The following PPM1J variants were observed in gnomAD, a reference collection of about 807,000 sequenced individuals.
The protein encoded by PPM1J is protein phosphatase, Mg2+/Mn2+ dependent 1J, also known as protein phosphatase 1J.
In PPM1J, 43 loss-of-function variants were observed where a neutral mutation model predicts 53.3. The observed-to-expected ratio is 0.81, with a 90% CI of 0.63 to 1.04. The LOEUF is 1.04. Ranked by LOEUF, PPM1J falls within the 50% of genes least tolerant of loss-of-function variation. The pLI, the probability that PPM1J is intolerant of heterozygous loss-of-function variation, is 0.00. For synonymous variants in PPM1J, 267 were observed against 286.4 expected, an observed-to-expected ratio of 0.93 and a Z score of 0.68; for missense variants, 635 against 685.9, an observed-to-expected ratio of 0.93 and a Z score of 0.83.
chr1:112,711,135 C>A, intron 6 of PPM1J, 64 bp from the exon 7 acceptor site: 2 of 1,519,638 alleles, frequency 1.3e-6, no homozygotes, highest in South Asian at 2.2e-5. Context: ...CTAGGAGCTG[C>A]ATACCCTCAC....
Position 112,712,900 on chromosome 1 carries a change from A to C in PPM1J, c.573T>G (p.Pro191=), listed in dbSNP as rs200382414. 686 of 1,613,874 alleles carry C rather than the reference A, an allele frequency of 4.3e-4. No individual in the cohort carries two copies. The highest frequency in any genetic ancestry group is 4.3e-4 in the Non-Finnish European group (511 of 1,180,024). ...LKDLVEILQD[P]SPPPLCLPTT... Reference sequence around the variant, plus strand: ...TTGGGAGGCAGAGGGGTGGTGGCGAAGGGTCCTGAAGTATCTCTACCAGGT... The same window carrying C: ...TTGGGAGGCAGAGGGGTGGTGGCGACGGGTCCTGAAGTATCTCTACCAGGT... Residue 191 remains proline (P), a synonymous_variant, in exon 3 of 10, where the codon CCT becomes CCG. Transcript: ENST00000309276.
rs1675174956 is a variant in PPM1J at position 112,715,255 on chromosome 1, C to T, written c.47G>A (p.Gly16Glu). 1.5e-6 allele frequency: 2 copies of T among 1,361,254 alleles called. No individual in the cohort carries two copies. The highest frequency in any genetic ancestry group is 1.8e-5 in the South Asian group (1 of 56,774). 84.3% of individuals were successfully genotyped at this position (1,361,254 alleles called of 1,614,324 possible). Residue 16 changes from glycine (G) to glutamate (E), a missense_variant, in exon 1 of 10, where the codon GGG becomes GAG. Physicochemically the swap from Gly to Glu is moderately conservative, Grantham distance 98. Coordinates refer to ENST00000309276, the MANE Select transcript of PPM1J (RefSeq NM_005167.7). This position sits in a 1 kb window ranked among gnomAD's most constrained non-coding sequence, Gnocchi z 4.4. ...RSAVAHLVSS[G>E]GAPPPRPKSP... ...TTTGGGGCGCGGAGGCGGAGCGCCCCCGGAGCTCACCAGGTGCGCCACGGC... is the reference window on the plus strand; with the variant it reads ...TTTGGGGCGCGGAGGCGGAGCGCCCTCGGAGCTCACCAGGTGCGCCACGGC...
Position 112,711,268 on chromosome 1 carries a change from G to T in PPM1J, c.1044C>A (p.Gly348=), listed in dbSNP as rs1306375641. 1.2e-6 allele frequency: 2 copies of T among 1,605,952 alleles called. No individual in the cohort carries two copies. Among genetic ancestry groups the T allele is most frequent in the Non-Finnish European group, 1.7e-6 (2 of 1,174,026 alleles). The stretch of plus-strand genomic sequence containing the variant: ...CCCAGCTCTGAGGGAAGTGTTACCA[G>T]CCGGTCATGTTCTGGTCCCGGTACA... The part of the protein sequence containing the change: ...RMLYRDQNMT[G]WAYKKIELED... Residue 348 remains glycine, a splice_region_variant and synonymous_variant, in exon 6 of 10, where the codon GGC becomes GGA. Transcript: ENST00000309276.
In PPM1J at chr1:112,712,826, G is replaced by A; in HGVS notation, c.647C>T (p.Pro216Leu). ...DSSDPSHLLG[P>L]QSCWSSQKEV... ...CTTCTGTGAAGACCAGCAGGACTGA[G>A]GGCCAAGCAAGTGAGAGGGATCGGA... The change falls in exon 3 of 10, where the codon CCT becomes CTT. Residue 216 changes from proline to leucine, a missense_variant. Transcript: ENST00000309276. 1 of 1,613,640 alleles carries A rather than the reference G, an allele frequency of 6.2e-7. No individual in the cohort carries two copies. The highest frequency in any genetic ancestry group is 1.1e-5 in the South Asian group (1 of 91,058).
chr1:112,715,148 T>C lies in PPM1J; in HGVS notation c.154A>G (p.Ser52Gly). Reference sequence around the variant, plus strand: ...GCCTTCGCGGGCGTCGCGCTCCCGCTCCCAGCCTTCGCGGGAGGGCTCCTG... The same window carrying C: ...GCCTTCGCGGGCGTCGCGCTCCCGCCCCCAGCCTTCGCGGGAGGGCTCCTG... ...APRSPPAKAG[S>G]GSATPAKAVE... The change falls in exon 1 of 10, where the codon AGC (serine) becomes GGC (glycine). Residue 52 changes from serine (S) to glycine (G), a missense_variant. Transcript: ENST00000309276. This position sits in a 1 kb window ranked among gnomAD's most constrained non-coding sequence, Gnocchi z 4.4. 1 of 1,542,196 alleles carries C rather than the reference T, an allele frequency of 6.5e-7. No homozygotes were observed. Among genetic ancestry groups the C allele is most frequent in the East Asian group, 2.6e-5 (1 of 38,172 alleles).
chr1:112,714,050 A>C (rs1253879040), intron 1 of PPM1J: 1 of 1,042,702 alleles, frequency 9.6e-7, no homozygotes, highest in Non-Finnish European at 1.2e-6. Context: ...CCTCATGGGC[A>C]CACCCACCCT....
In PPM1J at chr1:112,712,371, C is replaced by A. The variant is rs185265561; in HGVS notation, c.816G>T (p.Val272=). 125 of 1,613,758 alleles carry A rather than the reference C, an allele frequency of 7.7e-5. 1 individual carries two copies. The East Asian group carries it at 2.8e-3, about 36-fold the overall frequency. The part of the protein sequence containing the change: ...ALVVIYLLGK[V]YVANAGDSRA... ...TGCTATCGCCTGCATTGGCCACGTA[C>A]ACCTTGCCTAGCAGGTAGATCACAA... is the stretch of plus-strand genomic sequence containing the variant. The change falls in exon 4 of 10, where the codon GTG becomes GTT. Residue 272 remains valine, a synonymous_variant. Coordinates refer to ENST00000309276, the MANE Select transcript of PPM1J (RefSeq NM_005167.7).
intron 9 of PPM1J, 36 bp from the exon 10 acceptor site, chr1:112,710,346 A>T (rs1675028235): frequency 6.2e-7 from 1 of 1,612,878 alleles, no homozygotes; most frequent in Admixed American, 1.7e-5. Flanking sequence ...ATGTACCAAC[A>T]TGTATGTGGG....
chr1:112,710,892 T>A, intron 7 of PPM1J, 41 bp from the exon 8 acceptor site: 1 of 1,603,402 alleles, frequency 6.2e-7, no homozygotes, highest in Non-Finnish European at 8.5e-7. Flanking sequence ...AGTCCTCTGC[T>A]AGATTCTCTG....
In PPM1J at chr1:112,715,036, C is replaced by A; in HGVS notation, c.266G>T (p.Arg89Leu). The change falls in exon 1 of 10, where the codon CGG becomes CTG. Residue 89 changes from arginine to leucine, a missense_variant. Arg to Leu is a moderately radical substitution (Grantham distance 102). Transcript: ENST00000309276. The surrounding 1 kb of genome is among the most constrained non-coding windows in gnomAD (Gnocchi z 4.4). The stretch of plus-strand genomic sequence containing the variant: ...CGTGTCCGGGGGGCTTTGCACAGCC[C>A]GGCCCGCGTGGTCATCGGCGCGTCG... ...GLRRADDHAG[R>L]AVQSPPDTGR... 1.3e-6 allele frequency: 2 copies of A among 1,524,716 alleles called. No homozygotes were observed. The highest frequency in any genetic ancestry group is 1.7e-6 in the Non-Finnish European group (2 of 1,144,542). The allele number at this position is 1,524,716 out of a possible 1,614,324, so 94.4% of individuals were successfully genotyped here. A position where few individuals can be genotyped will look rare whatever the true frequency, so the allele number is the denominator to read the frequency against.
In PPM1J at chr1:112,711,303, G is replaced by A; in HGVS notation, c.1009C>T (p.Gln337Ter). 1 of 1,607,878 alleles carries A rather than the reference G, an allele frequency of 6.2e-7. No individual in the cohort carries two copies. Among genetic ancestry groups the A allele is most frequent in the Non-Finnish European group, 8.5e-7 (1 of 1,176,878 alleles). Residue 337 changes from glutamine (Q) to a stop codon, truncating the protein, a stop_gained, in exon 6 of 10, where the codon CAG (glutamine) becomes TAG (stop). Transcript: ENST00000309276. LOFTEE classifies it high-confidence loss of function. Reference protein sequence around the residue: ...PRRVLPKELGQRMLYRDQNMT... With the variant: ...PRRVLPKELG ...TTCTGGTCCCGGTACAACATCCTCT[G>A]CCCCAGCTCCTTGGGCAGAACTCTG...
chr1:112,712,574 G>T, intron 3 of PPM1J, 117 bp from the exon 4 acceptor site: 1 of 1,158,194 alleles, frequency 8.6e-7, no homozygotes. Context: ...TACACTGGAA[G>T]ACAGGAGGGA....
chr1:112,710,743 C>A lies in PPM1J; in HGVS notation c.1218+1G>T. On this transcript the variant is annotated splice_donor_variant, in intron 8 of 9. Coordinates refer to ENST00000309276, the MANE Select transcript of PPM1J (RefSeq NM_005167.7). LOFTEE classifies it high-confidence loss of function. ...GGCAAGGTGTGGTTTAAGGGGCTCA[C>A]CTCAGGGAAGCAGGAGAGAAAGGGC... The A allele has an allele frequency of 1.2e-6, 2 of 1,614,040 alleles. No individual in the cohort carries two copies. The highest frequency in any genetic ancestry group is 4.5e-5 in the East Asian group (2 of 44,882).
intron 3 of PPM1J, 71 bp from the exon 4 acceptor site, chr1:112,712,528 C>T: frequency 7.3e-7 from 1 of 1,373,566 alleles, no homozygotes; most frequent in Non-Finnish European, 1.0e-6. Context: ...TCCCCCTACC[C>T]CCTCCACCCG....
rs746719942 is a variant in PPM1J at position 112,711,341 on chromosome 1, A to C, written c.971T>G (p.Leu324Arg). 25 of 1,606,556 alleles carry C rather than the reference A, an allele frequency of 1.6e-5. No homozygotes were observed. The highest frequency in any genetic ancestry group is 2.0e-5 in the Non-Finnish European group (23 of 1,176,504). ...PELLGSEFTHLEFPRRVLPKE... is the reference protein window; with the variant it reads ...PELLGSEFTHREFPRRVLPKE... ...GGGCAGAACTCTGCGGGGGAACTCA[A>C]GGTGGGTGAATTCACTGCCTAGCAG... The change falls in exon 6 of 10, where the codon CTT becomes CGT. Residue 324 changes from leucine (L) to arginine (R), a missense_variant. Physicochemically the swap from Leu to Arg is moderately radical, Grantham distance 102. Transcript: ENST00000309276.
At position 112,715,207 on chromosome 1, in the gene PPM1J, G is replaced by A. The variant is rs566807547; in HGVS notation, c.95C>T (p.Ala32Val). The change falls in exon 1 of 10, where the codon GCC becomes GTC. Residue 32 changes from alanine to valine, a missense_variant. By Grantham distance (64) the Ala-to-Val change is moderately conservative. Coordinates refer to ENST00000309276, the MANE Select transcript of PPM1J (RefSeq NM_005167.7). This position sits in a 1 kb window ranked among gnomAD's most constrained non-coding sequence, Gnocchi z 4.4. ...RPKSPDLPNA[A>V]SAPPAAAPEA... ...TGGAGCGGCGGCGGGCGGCGCCGAG[G>A]CGGCGTTGGGCAGGTCCGGGGATTT... 1.4e-6 allele frequency: 2 copies of A among 1,447,294 alleles called. No homozygotes were observed. Among genetic ancestry groups the A allele is most frequent in the East Asian group, 5.7e-5 (2 of 35,380 alleles). The allele number at this position is 1,447,294 out of a possible 1,614,324, so 89.7% of individuals were successfully genotyped here.
Position 112,715,201 on chromosome 1 carries a change from G to T in PPM1J, c.101C>A (p.Ala34Glu). 2.8e-6 allele frequency: 4 copies of T among 1,454,514 alleles called. No individual in the cohort carries two copies. Among genetic ancestry groups the T allele is most frequent in the Non-Finnish European group, 3.6e-6 (4 of 1,116,280 alleles). The allele number at this position is 1,454,514 out of a possible 1,614,324, so 90.1% of individuals were successfully genotyped here. Residue 34 changes from alanine (A) to glutamate (E), a missense_variant, in exon 1 of 10, where the codon GCG (alanine) becomes GAG (glutamate). Ala to Glu is a moderately radical substitution (Grantham distance 107). Transcript: ENST00000309276. This position sits in a 1 kb window ranked among gnomAD's most constrained non-coding sequence, Gnocchi z 4.4. Reference sequence around the variant, plus strand: ...CGCTTCTGGAGCGGCGGCGGGCGGCGCCGAGGCGGCGTTGGGCAGGTCCGG... The same window carrying T: ...CGCTTCTGGAGCGGCGGCGGGCGGCTCCGAGGCGGCGTTGGGCAGGTCCGG... ...KSPDLPNAASAPPAAAPEAPR... is the reference protein window; with the variant it reads ...KSPDLPNAASEPPAAAPEAPR...
At chr1:112,712,295 C>T in intron 4 of PPM1J, 50 bp downstream of exon 4, 1 of 1,403,092 alleles carries the variant, frequency 7.1e-7, no homozygotes, top group Non-Finnish European at 9.9e-7. Flanking sequence ...ATTCCCCCAA[C>T]TCAGAGAGTG....
chr1:112,712,491 A>AG, intron 3 of PPM1J, 34 bp from the exon 4 acceptor site: 1 of 1,579,354 alleles, frequency 6.3e-7, no homozygotes, highest in African/African-American at 1.3e-5. Flanking sequence ...GGTGGGTAGA[A>AG]GGAGAGGTTC....
Sources: gnomAD v4.1 joint callset for allele counts on GRCh38, gnomAD v4.1.1 for gene constraint, Gnocchi (gnomAD v3.1) non-coding constraint, MANE v1.5 for transcripts, NCBI Gene and HGNC (gene_info 2026-07-23, HGNC 2026-07-21) for gene names.